Variants in EPB41L2 observed in about 807,000 individuals in gnomAD.
The protein encoded by EPB41L2 is band 4.1-like protein 2.
In EPB41L2, 43 loss-of-function variants were observed where a neutral mutation model predicts 113.0. The ratio of observed to expected loss-of-function variants is 0.38; its 90% CI spans 0.30 to 0.49. EPB41L2 has a LOEUF of 0.49. Among genes scored for constraint, EPB41L2 ranks in the 20% least tolerant of loss-of-function variants. The pLI is 0.95. For missense variants in EPB41L2, 1,147 were observed against 1,223.4 expected, an observed-to-expected ratio of 0.94 and a Z score of 0.93; for synonymous variants, 442 against 436.7, an observed-to-expected ratio of 1.01 and a Z score of -0.15.
At chr6:131,022,081 C>T (rs1789644824) in intron 1 of EPB41L2, among the ~76,000 whole-genome samples, 1 of 152,128 alleles carries the variant, frequency 6.6e-6, no homozygotes, top group Admixed American at 6.5e-5. Flanking sequence ...GACCCCTGGA[C>T]TTGTTTTCCT....
chr6:130,887,859 T>C (rs924164666), intron 11 of EPB41L2, among the ~76,000 whole-genome samples: 8 of 152,174 alleles, frequency 5.3e-5, no homozygotes, highest in African/African-American at 1.9e-4. Context: ...ATCTTGGTTG[T>C]TGGTTCTCTT....
intron 1 of EPB41L2, chr6:130,970,534 T>C (rs1477448138): frequency 6.6e-6 from 1 of 152,218 alleles, no homozygotes; most frequent in Admixed American, 6.5e-5. Flanking sequence ...ACCCACTGAA[T>C]GAAGAACCTT....
chr6:130,912,058 T>C (rs1799590930), intron 4 of EPB41L2, among the ~76,000 whole-genome samples: 1 of 152,036 alleles, frequency 6.6e-6, no homozygotes, highest in African/African-American at 2.4e-5. Context: ...ACAAACCCTA[T>C]TGTGAACTGC....
chr6:130,992,764 G>A (rs1316247917), intron 1 of EPB41L2, among the ~76,000 whole-genome samples: 1 of 151,936 alleles, frequency 6.6e-6, no homozygotes, highest in East Asian at 1.9e-4. Context: ...CCAAGCAGCT[G>A]GCACTACAGG....
intron 1 of EPB41L2, among the ~76,000 whole-genome samples, chr6:131,044,436 A>C (rs1003395918): frequency 1.3e-5 from 2 of 152,256 alleles, no homozygotes; most frequent in Admixed American, 6.5e-5. Flanking sequence ...TTTAAAAATT[A>C]ATTTCTAAAA....
chr6:130,927,495 G>A (rs1805154468), intron 3 of EPB41L2, among the ~76,000 whole-genome samples: 1 of 152,042 alleles, frequency 6.6e-6, no homozygotes, highest in Non-Finnish European at 1.5e-5. Context: ...CAACTGTGAG[G>A]TCAGGTCAGA....
intron 3 of EPB41L2, among the ~76,000 whole-genome samples, chr6:130,944,395 C>T (rs1435733595): frequency 6.6e-6 from 1 of 152,124 alleles, no homozygotes; most frequent in Non-Finnish European, 1.5e-5. Flanking sequence ...CGTTAAGACT[C>T]TATGGGGAGA....
chr6:130,939,899 C>T (rs558941004), intron 3 of EPB41L2, among the ~76,000 whole-genome samples: 13 of 152,228 alleles, frequency 8.5e-5, no homozygotes, highest in African/African-American at 3.1e-4. Context: ...AATAGACTTC[C>T]AATTAAAGAT....
intron 4 of EPB41L2, among the ~76,000 whole-genome samples, chr6:130,922,958 T>G (rs1219897556): frequency 6.6e-6 from 1 of 152,190 alleles, no homozygotes; most frequent in Non-Finnish European, 1.5e-5. Context: ...ACTAAATTCA[T>G]TTATTTACTT....
chr6:130,953,736 G>T (rs532127704), intron 3 of EPB41L2, among the ~76,000 whole-genome samples: 1 of 151,804 alleles, frequency 6.6e-6, no homozygotes, highest in Non-Finnish European at 1.5e-5. Context: ...ACTGGGATTA[G>T]TGCCCCTGTA....
At chr6:131,030,642 T>G (rs1342589334) in intron 1 of EPB41L2, among the ~76,000 whole-genome samples, 1 of 152,194 alleles carries the variant, frequency 6.6e-6, no homozygotes, top group East Asian at 1.9e-4. Flanking sequence ...TCTGAACCAT[T>G]TATATTATGA....
At chr6:131,035,333 C>A (rs561533157) in intron 1 of EPB41L2, among the ~76,000 whole-genome samples, 1 of 152,262 alleles carries the variant, frequency 6.6e-6, no homozygotes, top group East Asian at 1.9e-4. Context: ...CAGTTATGAA[C>A]CTCTGCTGTC....
Position 130,878,084 on chromosome 6 carries a change from A to T in EPB41L2, c.2043+20T>A. 1.3e-6 allele frequency: 2 copies of T among 1,561,884 alleles called. No homozygotes were observed. The highest frequency in any genetic ancestry group is 1.7e-6 in the Non-Finnish European group (2 of 1,156,184). On this transcript the variant is annotated intron_variant, in intron 14 of 19. Coordinates refer to ENST00000337057, the MANE Select transcript of EPB41L2 (RefSeq NM_001431.4). ...GAGCAACTGAAGTGAGACAGAGCCA[A>T]CAAATAGCTAATGACATACCCCTTG... is the stretch of plus-strand genomic sequence containing the variant.
chr6:130,976,181 C>T (rs1002143504), intron 1 of EPB41L2, among the ~76,000 whole-genome samples: 8 of 152,132 alleles, frequency 5.3e-5, no homozygotes, highest in African/African-American at 1.2e-4. Context: ...ACTTCCCAGT[C>T]GGTCTATAAA....
intron 1 of EPB41L2, among the ~76,000 whole-genome samples, chr6:131,002,895 C>T (rs1256684642): frequency 1.3e-5 from 2 of 152,144 alleles, no homozygotes; most frequent in Non-Finnish European, 2.9e-5. Context: ...TCTTTTAAGT[C>T]ATCCTACAGG....
At chr6:131,020,812 C>CA (rs145157217) in intron 1 of EPB41L2, among the ~76,000 whole-genome samples, 22,828 of 152,126 alleles carry the variant, frequency 0.15, 2,334 homozygotes, top group East Asian at 0.43. Context: ...TGTTAAGAGA[C>CA]AGAGTCTTGT....
intron 16 of EPB41L2, among the ~76,000 whole-genome samples, chr6:130,866,964 C>CTG (rs992228183): frequency 2.0e-4 from 31 of 151,626 alleles, no homozygotes; most frequent in Non-Finnish European, 2.1e-4. Context: ...GTGTGTGTGC[C>CTG]TGTGTGTGTT....
intron 11 of EPB41L2, among the ~76,000 whole-genome samples, chr6:130,887,323 G>A (rs575624828): frequency 8.5e-5 from 13 of 152,302 alleles, no homozygotes; most frequent in African/African-American, 2.9e-4. Flanking sequence ...CTAAAGGGAA[G>A]ACCACCATCG....
chr6:130,957,451 C>T (rs1473756649), intron 1 of EPB41L2, among the ~76,000 whole-genome samples: 1 of 152,172 alleles, frequency 6.6e-6, no homozygotes, highest in Non-Finnish European at 1.5e-5. Flanking sequence ...AATAAGTGCC[C>T]AGAGTCCTGG....
Sources: allele counts gnomAD v4.1 joint callset (sites outside exome capture counted in the v4.1 genomes callset), GRCh38; gene constraint gnomAD v4.1.1; transcripts MANE v1.5; gene names NCBI Gene and HGNC (gene_info 2026-07-23, HGNC 2026-07-21).